The following IL7 variants were observed in gnomAD, a reference collection of about 807,000 sequenced individuals.
The protein encoded by IL7 is interleukin 7.
A neutral mutation model predicts 21.6 loss-of-function variants in IL7; 3 were observed. The observed-to-expected ratio is 0.14, with a 90% CI of 0.06 to 0.36. The LOEUF is 0.36. Ranked by LOEUF, IL7 falls within the 10% of genes least tolerant of loss-of-function variation. IL7 has a pLI of 1.00. For synonymous variants in IL7, 62 were observed against 68.1 expected (o/e 0.91, Z 0.44); for missense variants, 175 against 200.2 (o/e 0.87, Z 0.76).
chr8:78,761,570 G>T (rs41308455), intron 2 of IL7: 20,778 of 1,611,856 alleles, frequency 0.013, 199 homozygotes, highest in Non-Finnish European at 0.015. Flanking sequence ...TAGGTTATGA[G>T]ATTCATCAAC....
intron 4 of IL7, among the ~76,000 whole-genome samples, chr8:78,678,209 A>G (rs936287949): frequency 1.3e-5 from 2 of 152,130 alleles, no homozygotes; most frequent in Non-Finnish European, 2.9e-5. Flanking sequence ...GCAGTCCAGT[A>G]GGTTTCAGCC....
intron 2 of IL7, among the ~76,000 whole-genome samples, chr8:78,756,948 G>A (rs1433159270): frequency 6.6e-6 from 1 of 151,390 alleles, no homozygotes; most frequent in Non-Finnish European, 1.5e-5. Flanking sequence ...GATCCCTCTT[G>A]CTTTTCTAGT....
downstream of IL7, chr8:78,717,184 G>T (rs1305075224): frequency 3.5e-5 from 24 of 687,004 alleles, no homozygotes; most frequent in Non-Finnish European, 4.5e-5. Context: ...TACTAACAAG[G>T]ATTTTTTAAA....
At chr8:78,680,690 A>G (rs527976361) in intron 4 of IL7, among the ~76,000 whole-genome samples, 1 of 152,312 alleles carries the variant, frequency 6.6e-6, no homozygotes, top group Admixed American at 6.5e-5. Flanking sequence ...GATTGCCCCA[A>G]AGCAGTTGAA....
At chr8:78,764,245 T>G (rs1812675623) in intron 2 of IL7, among the ~76,000 whole-genome samples, 1 of 151,932 alleles carries the variant, frequency 6.6e-6, no homozygotes, top group African/African-American at 2.4e-5. Context: ...TCATACTTAA[T>G]AATAAGAAAT....
intron 2 of IL7, chr8:78,760,978 A>T (rs1812535062): frequency 6.3e-7 from 1 of 1,591,036 alleles, no homozygotes; most frequent in Non-Finnish European, 8.5e-7. Flanking sequence ...TAAGAACAAC[A>T]ATAGTAACAA....
At chr8:78,721,177 A>G (rs955443440) in intron 4 of IL7, 4 of 152,040 alleles carry the variant, frequency 2.6e-5, no homozygotes, top group African/African-American at 9.7e-5. Flanking sequence ...TAAGTGATTT[A>G]TTTTAATGGA....
At chr8:78,787,709 T>A (rs542592709) in intron 2 of IL7, among the ~76,000 whole-genome samples, 1 of 152,316 alleles carries the variant, frequency 6.6e-6, no homozygotes, top group South Asian at 2.1e-4. Flanking sequence ...ATTTCCCCAA[T>A]TCACTTGCTT....
At chr8:78,690,652 G>A (rs1352236403) in intron 3 of IL7, among the ~76,000 whole-genome samples, 1 of 151,672 alleles carries the variant, frequency 6.6e-6, no homozygotes, top group African/African-American at 2.4e-5. Flanking sequence ...ATGACTTCTA[G>A]CATTTGAGAT....
intron 2 of IL7, among the ~76,000 whole-genome samples, chr8:78,781,197 G>A (rs1813315526): frequency 6.6e-6 from 1 of 152,040 alleles, no homozygotes; most frequent in African/African-American, 2.4e-5. Context: ...CTTTTAATTG[G>A]GGCATTTAGG....
chr8:78,804,278 A>C (rs3888019), intron 1 of IL7, among the ~76,000 whole-genome samples: 54,730 of 151,758 alleles, frequency 0.36, 12,007 homozygotes, highest in African/African-American at 0.62. Flanking sequence ...ATAACAACAA[A>C]AACAAAAACA....
intron 3 of IL7, among the ~76,000 whole-genome samples, chr8:78,710,499 T>C (rs937069580): frequency 1.3e-5 from 2 of 152,068 alleles, no homozygotes; most frequent in African/African-American, 4.8e-5. Flanking sequence ...TTGTATCACA[T>C]GTAGGATTTG....
chr8:78,765,432 C>A (rs770285686), intron 2 of IL7, among the ~76,000 whole-genome samples: 5 of 151,960 alleles, frequency 3.3e-5, no homozygotes, highest in Non-Finnish European at 7.4e-5. Context: ...AAAGACATAT[C>A]TGGTAAAATA....
At chr8:78,699,381 G>T (rs2130552770) in intron 3 of IL7, among the ~76,000 whole-genome samples, 1 of 152,128 alleles carries the variant, frequency 6.6e-6, no homozygotes, top group African/African-American at 2.4e-5. Context: ...ATTACCACAG[G>T]ACCATTAGAA....
rs533873928 is a variant in IL7, at chr8:78,762,647, A to G, written c.148-22565T>C. 6.0e-3 allele frequency among the ~76,000 whole-genome samples: 711 copies of G among 119,274 alleles called. 4 individuals carry two copies. Among genetic ancestry groups the G allele is most frequent in the Non-Finnish European group, 6.1e-3 (375 of 61,466 alleles). 78.2% of individuals were successfully genotyped at this position (119,274 alleles called of 152,430 possible). On this transcript the variant is annotated intron_variant, in intron 2 of 5. Coordinates refer to ENST00000263851, the MANE Select transcript of IL7 (RefSeq NM_000880.4). ...CATTGAAGACATGAATTGCCTTCCC[A>G]ATGCATTTTTTTTTTTCTATTGTGT...
At chr8:78,749,771 A>C (rs776707286) in intron 2 of IL7, among the ~76,000 whole-genome samples, 1 of 152,036 alleles carries the variant, frequency 6.6e-6, no homozygotes, top group Non-Finnish European at 1.5e-5. Context: ...TGGTAGGAGG[A>C]GGGGAAAAAA....
rs865906189 is a variant in IL7 at position 78,775,424 on chromosome 8, G to A, written c.147+22648C>T. Among the ~76,000 whole-genome samples the A allele has an allele frequency of 7.9e-5, 12 of 152,194 alleles. 1 individual carries two copies. The Middle Eastern group carries it at 0.014, about 173-fold the overall frequency. ...CATTCTTTGGTTCTCCTAAGTAGTC[G>A]ATACTTCTACATCAGTGCAATGAAA... On this transcript the variant is annotated intron_variant, in intron 2 of 5. Transcript: ENST00000263851.
At chr8:78,753,763 G>A (rs934955525) in intron 2 of IL7, among the ~76,000 whole-genome samples, 3 of 152,138 alleles carry the variant, frequency 2.0e-5, no homozygotes, top group Non-Finnish European at 4.4e-5. Context: ...AAGGCATAAG[G>A]AAGGGGTCCA....
chr8:78,760,848 T>C, intron 2 of IL7: 2 of 1,557,540 alleles, frequency 1.3e-6, no homozygotes. Context: ...ACTTCAATAT[T>C]TTCCATCACT....
Sources: gnomAD v4.1 joint callset for allele counts (sites outside exome capture counted in the v4.1 genomes callset) on GRCh38, gnomAD v4.1.1 for gene constraint, MANE v1.5 for transcripts, NCBI Gene and HGNC (gene_info 2026-07-23, HGNC 2026-07-21) for gene names.